VIPR2: variants seen among roughly 807,000 people sequenced by gnomAD.
VIPR2 encodes the protein vasoactive intestinal polypeptide receptor 2.
A neutral mutation model predicts 58.0 loss-of-function variants in VIPR2; 48 were observed. The ratio of observed to expected loss-of-function variants is 0.83; its 90% CI spans 0.66 to 1.05. The LOEUF is 1.05. Ranked by LOEUF, VIPR2 falls within the 50% of genes least tolerant of loss-of-function variation. The pLI is 0.00. For missense variants in VIPR2, 534 were observed against 558.0 expected (o/e 0.96, Z 0.43); for synonymous variants, 243 against 235.2 (o/e 1.03, Z -0.30).
At chr7:159,094,111 C>T (rs1857677285) in intron 4 of VIPR2, among the ~76,000 whole-genome samples, 1 of 152,186 alleles carries the variant, frequency 6.6e-6, no homozygotes, top group Non-Finnish European at 1.5e-5. Context: ...TGGTCTCTCA[C>T]TGCAGCCCTG....
At chr7:159,074,626 A>G (rs1856553409) in intron 4 of VIPR2, among the ~76,000 whole-genome samples, 1 of 152,252 alleles carries the variant, frequency 6.6e-6, no homozygotes, top group African/African-American at 2.4e-5. Flanking sequence ...ATATTTGGTT[A>G]CTGCAACGTG....
rs369237287 is a variant in VIPR2 at position 159,144,099 on chromosome 7, C to T, written c.51+622G>A. 2.0e-4 allele frequency among the ~76,000 whole-genome samples: 30 copies of T among 152,348 alleles called. No homozygotes were observed. In the East Asian group the frequency reaches 4.0e-3, roughly 21 times the overall value. On this transcript the variant is annotated intron_variant, in intron 1 of 12. Transcript: ENST00000262178. The stretch of plus-strand genomic sequence containing the variant: ...TCCAAGAGGAAAGCAAGAAACAAGG[C>T]TCGGGTTTTTTTCTTTCTTTTTTCT...
At chr7:159,078,888 G>A (rs964075017) in intron 4 of VIPR2, among the ~76,000 whole-genome samples, 1 of 152,124 alleles carries the variant, frequency 6.6e-6, no homozygotes, top group African/African-American at 2.4e-5. Context: ...ATTTTTGGAC[G>A]CTAGGTGTTA....
chr7:159,109,439 C>T (rs1725626915), intron 3 of VIPR2, among the ~76,000 whole-genome samples: 1 of 152,194 alleles, frequency 6.6e-6, no homozygotes, highest in African/African-American at 2.4e-5. Context: ...TCCCACTTCC[C>T]AGAAACTTCC....
chr7:159,097,217 A>G lies in VIPR2; in HGVS notation c.357+6540T>C, dbSNP rs1351908476. On this transcript the variant is annotated intron_variant, in intron 4 of 12. Coordinates refer to ENST00000262178, the MANE Select transcript of VIPR2 (RefSeq NM_003382.5). This position sits in a 1 kb window ranked among gnomAD's most constrained non-coding sequence, Gnocchi z 5.3. ...GGGAGTGAAGTTTGCCATCAGTGGG[A>G]ACGAGTCACTGCGGTGGCCTGAGTG... The G allele has an allele frequency of 1.4e-6, 2 of 1,423,732 alleles. No individual in the cohort carries two copies. Among genetic ancestry groups the G allele is most frequent in the Non-Finnish European group, 1.8e-6 (2 of 1,086,914 alleles). 88.2% of individuals were successfully genotyped at this position (1,423,732 alleles called of 1,614,324 possible). A position where few individuals can be genotyped will look rare whatever the true frequency, so the allele number is the denominator to read the frequency against.
At chr7:159,140,169 A>G (rs1336039654) in intron 2 of VIPR2, among the ~76,000 whole-genome samples, 1 of 152,076 alleles carries the variant, frequency 6.6e-6, no homozygotes, top group Non-Finnish European at 1.5e-5. Context: ...TGGAAGCTAG[A>G]TTTTTTTCAC....
At chr7:159,057,185 T>G (rs1419972536) in intron 5 of VIPR2, among the ~76,000 whole-genome samples, 1 of 152,226 alleles carries the variant, frequency 6.6e-6, no homozygotes, top group Non-Finnish European at 1.5e-5. Flanking sequence ...GTCAGCTTAC[T>G]TCCTTAAAGT....
intron 4 of VIPR2, among the ~76,000 whole-genome samples, chr7:159,072,244 C>A (rs372912086): frequency 6.6e-6 from 1 of 151,674 alleles, no homozygotes. Context: ...AAACACACAT[C>A]GCTAGACTAG....
chr7:159,072,578 A>G (rs968560323), intron 4 of VIPR2, among the ~76,000 whole-genome samples: 1 of 152,234 alleles, frequency 6.6e-6, no homozygotes, highest in African/African-American at 2.4e-5. Context: ...CAAGAGCACA[A>G]AAACGAAAGA....
At chr7:159,122,970 C>A (rs906628145) in intron 2 of VIPR2, among the ~76,000 whole-genome samples, 2 of 152,100 alleles carry the variant, frequency 1.3e-5, no homozygotes, top group Non-Finnish European at 2.9e-5. Flanking sequence ...CAGTAGTTAT[C>A]TTTTCTGCTC....
chr7:159,138,948 T>C (rs1423235241), intron 2 of VIPR2, among the ~76,000 whole-genome samples: 1 of 152,164 alleles, frequency 6.6e-6, no homozygotes, highest in Non-Finnish European at 1.5e-5. Context: ...GTGTGAGACT[T>C]GGGAGAAGCA....
At chr7:159,112,705 C>T (rs137924839) in intron 2 of VIPR2, among the ~76,000 whole-genome samples, 324 of 144,794 alleles carry the variant, frequency 2.2e-3, no homozygotes, top group African/African-American at 8.4e-3. Context: ...GGGACCGACC[C>T]TGACTGTGAG....
At chr7:159,064,813 C>T (rs1855991177) in intron 4 of VIPR2, among the ~76,000 whole-genome samples, 1 of 152,218 alleles carries the variant, frequency 6.6e-6, no homozygotes, top group African/African-American at 2.4e-5. Context: ...ACCGACCCTC[C>T]CTCCTTCAGT....
chr7:159,094,661 T>C (rs2129495488), intron 4 of VIPR2, among the ~76,000 whole-genome samples: 1 of 152,342 alleles, frequency 6.6e-6, no homozygotes, highest in African/African-American at 2.4e-5. Flanking sequence ...GGTGACGTTT[T>C]AAAGACGAAG....
chr7:159,085,743 G>A (rs1223130534), intron 4 of VIPR2, among the ~76,000 whole-genome samples: 1 of 151,924 alleles, frequency 6.6e-6, no homozygotes, highest in Non-Finnish European at 1.5e-5. Context: ...GGAGTAACTG[G>A]TGATTCCATC....
chr7:159,142,640 G>A (rs1381576746), intron 1 of VIPR2, 95 bp from the exon 2 acceptor site: 3 of 808,628 alleles, frequency 3.7e-6, no homozygotes, highest in African/African-American at 3.5e-5. Context: ...AAACCTCACA[G>A]CTTTAAACTG....
intron 4 of VIPR2, among the ~76,000 whole-genome samples, chr7:159,071,009 G>T (rs764420349): frequency 6.6e-6 from 1 of 152,142 alleles, no homozygotes; most frequent in Non-Finnish European, 1.5e-5. Context: ...GGTCATTACC[G>T]GCAAGAAATC....
chr7:159,103,542 C>T (rs1191486988), intron 4 of VIPR2, among the ~76,000 whole-genome samples: 1 of 152,236 alleles, frequency 6.6e-6, no homozygotes, highest in Non-Finnish European at 1.5e-5. Flanking sequence ...CGGCCTTTCC[C>T]TGCCTGCAAA....
intron 5 of VIPR2, among the ~76,000 whole-genome samples, 191 bp from the exon 6 acceptor site, chr7:159,043,367 CTG>C (rs1340932962): frequency 6.6e-6 from 1 of 150,744 alleles, no homozygotes; most frequent in Non-Finnish European, 1.5e-5. Context: ...TGAAAAAGCT[CTG>C]TTAAGAATTT....
Sources: allele counts gnomAD v4.1 joint callset (sites outside exome capture counted in the v4.1 genomes callset), GRCh38; gene constraint gnomAD v4.1.1; non-coding constraint Gnocchi (gnomAD v3.1); transcripts MANE v1.5; gene names NCBI Gene and HGNC (gene_info 2026-07-23, HGNC 2026-07-21).